SYT15: variants seen among roughly 807,000 people sequenced by gnomAD.
The protein encoded by SYT15 is synaptotagmin 15.
A neutral mutation model predicts 30.1 loss-of-function variants in SYT15; 4 were observed. The ratio of observed to expected loss-of-function variants is 0.13; its 90% confidence interval spans 0.07 to 0.30. SYT15 has a LOEUF of 0.30. Among genes scored for constraint, SYT15 ranks in the 10% least tolerant of loss-of-function variants. SYT15 has a pLI of 1.00. For synonymous variants in SYT15, 19 were observed against 166.3 expected (o/e 0.11, Z 6.82); for missense variants, 49 against 371.7 (o/e 0.13, Z 7.14).
chr10:46,580,812 G>A, intron 2 of SYT15, 82 bp from the exon 3 acceptor site: 1 of 1,163,802 alleles, frequency 8.6e-7, no homozygotes, highest in Non-Finnish European at 1.2e-6. Flanking sequence ...TCCAGCCCCT[G>A]GTGCTCAACC....
chr10:46,588,355 TCCC>T lies in SYT15; in HGVS notation c.*709_*711del. 1 of 413,020 alleles carries T rather than the reference TCCC, an allele frequency of 2.4e-6. No individual in the cohort carries two copies. Among genetic ancestry groups the T allele is most frequent in the Non-Finnish European group, 3.2e-6 (1 of 310,806 alleles). The allele number at this position is 413,020 out of a possible 1,614,324, so 25.6% of individuals were successfully genotyped here. A position where few individuals can be genotyped will look rare whatever the true frequency, so the allele number is the denominator to read the frequency against. On this transcript the variant is annotated 3_prime_UTR_variant, in exon 8 of 8. Coordinates refer to ENST00000374321, the MANE Select transcript of SYT15 (RefSeq NM_031912.5). The stretch of plus-strand genomic sequence containing the variant: ...CTGTTCTGCTGCTGTTTCTGTGCTC[TCCC>T]TGATTAAGAGCATTCAGTTCCTGGG...
At position 46,580,363 on chromosome 10, in the gene SYT15, G is replaced by T; in HGVS notation, c.207G>T (p.Leu69=). ...RPCQPHARTQ[L]SRPPAVPFVV... ...GCCAGCCGCATGCTAGGACCCAACT[G>T]AGCAGGTGAGGCAGGATGTGGGGCC... The change falls in exon 2 of 8, where the codon CTG becomes CTT. Residue 69 remains leucine, a synonymous_variant. Coordinates refer to ENST00000374321, the MANE Select transcript of SYT15 (RefSeq NM_031912.5). The T allele has an allele frequency of 1.9e-6, 1 of 515,314 alleles. No individual in the cohort carries two copies. Among genetic ancestry groups the T allele is most frequent in the Non-Finnish European group, 3.2e-6 (1 of 315,980 alleles). 31.9% of individuals were successfully genotyped at this position (515,314 alleles called of 1,614,324 possible).
chr10:46,584,306 G>A (rs1844594919), intron 5 of SYT15, among the ~76,000 whole-genome samples, 189 bp from the exon 6 acceptor site: 1 of 151,776 alleles, frequency 6.6e-6, no homozygotes, highest in African/African-American at 2.4e-5. Flanking sequence ...CCACAGGACT[G>A]CACAAGCCCC....
chr10:46,596,836 G>A, downstream of SYT15: 1 of 435,776 alleles, frequency 2.3e-6, no homozygotes, highest in Non-Finnish European at 4.5e-6. Flanking sequence ...GAATCAAGAG[G>A]AAGCTTAAAC....
At chr10:46,584,812 G>A (rs1844700283) in intron 6 of SYT15, among the ~76,000 whole-genome samples, 197 bp downstream of exon 6, 1 of 149,036 alleles carries the variant, frequency 6.7e-6, no homozygotes, top group Non-Finnish European at 1.5e-5. Flanking sequence ...TGAACCCAAA[G>A]CTGCATCTCC....
downstream of SYT15, chr10:46,596,292 A>G (rs1441918102): frequency 2.6e-5 from 4 of 151,984 alleles, no homozygotes; most frequent in Non-Finnish European, 5.9e-5. Context: ...CACTGTGGAA[A>G]TCTTTGCCCA....
rs59292693 is a variant in SYT15 at position 46,588,948 on chromosome 10, C to A, written c.*1301C>A. On this transcript the variant is annotated 3_prime_UTR_variant, in exon 8 of 8. Transcript: ENST00000374321. ...CTGGCCTCAGGTGATCCACCTGCCT[C>A]AGCCTCCCAAAGTGCTGGGATTACA... The A allele has an allele frequency of 1.4e-4, 7 of 48,784 alleles. No individual in the cohort carries two copies. In the East Asian group the frequency reaches 4.4e-3, roughly 31 times the overall value. 3.0% of individuals were successfully genotyped at this position (48,784 alleles called of 1,614,324 possible).
chr10:46,584,283 C>T (rs1282827250), intron 5 of SYT15, among the ~76,000 whole-genome samples: 3 of 151,838 alleles, frequency 2.0e-5, no homozygotes, highest in Non-Finnish European at 4.4e-5. Flanking sequence ...GGGTGTGACT[C>T]CTTAGCTCTG....
At chr10:46,597,010 C>T (rs1845710205), downstream of SYT15, among the ~76,000 whole-genome samples, 1 of 142,544 alleles carries the variant, frequency 7.0e-6, no homozygotes, top group South Asian at 2.2e-4. Context: ...CAGAACATGC[C>T]CTAGATTTTA....
downstream of SYT15, chr10:46,593,289 G>A (rs1296717056): frequency 6.9e-6 from 1 of 144,302 alleles, no homozygotes; most frequent in African/African-American, 2.7e-5. Context: ...ATTTGCAGCA[G>A]TTTAAGTATA....
downstream of SYT15, among the ~76,000 whole-genome samples, chr10:46,592,556 G>GT (rs782645635): frequency 1.0e-4 from 8 of 79,282 alleles, no homozygotes; most frequent in African/African-American, 3.2e-4. Flanking sequence ...ATTTTCTCAG[G>GT]TTTTTTTGTG....
At chr10:46,584,391 G>C in intron 5 of SYT15, 104 bp from the exon 6 acceptor site, 1 of 1,355,088 alleles carries the variant, frequency 7.4e-7, no homozygotes, top group South Asian at 1.5e-5. Context: ...CGGGTGTGTC[G>C]CATGGACCGC....
chr10:46,594,660 C>T (rs1319895509), downstream of SYT15, among the ~76,000 whole-genome samples: 5 of 138,044 alleles, frequency 3.6e-5, no homozygotes, highest in Non-Finnish European at 7.7e-5. Flanking sequence ...CCCAAATGCT[C>T]GGCCTCTTAG....
At chr10:46,586,263 A>AG (rs1555040713) in intron 7 of SYT15, among the ~76,000 whole-genome samples, 1 of 111,418 alleles carries the variant, frequency 9.0e-6, no homozygotes, top group East Asian at 2.4e-4. Context: ...AAAAAAAAAA[A>AG]GGGCCGGGCA....
At chr10:46,596,840 C>T, downstream of SYT15, 10 of 431,782 alleles carry the variant, frequency 2.3e-5, no homozygotes, top group South Asian at 1.6e-4. Flanking sequence ...CAAGAGGAAG[C>T]TTAAACTTAA....
At position 46,591,089 on chromosome 10, in the gene SYT15, G is replaced by A. The variant is rs561324868; in HGVS notation, c.*3442G>A. 1.7e-5 allele frequency: 2 copies of A among 116,390 alleles called. No individual in the cohort carries two copies. The highest frequency in any genetic ancestry group is 2.9e-4 in the South Asian group (1 of 3,446). 7.2% of individuals were successfully genotyped at this position (116,390 alleles called of 1,614,324 possible). On this transcript the variant is annotated 3_prime_UTR_variant, in exon 8 of 8. Coordinates refer to ENST00000374321, the MANE Select transcript of SYT15 (RefSeq NM_031912.5). ...ATAAAATAAAATTTAGATTTAAGTC[G>A]AGCTCAGTGGCTCACATCTATTATC...
chr10:46,590,967 G>T lies in SYT15; in HGVS notation c.*3320G>T, dbSNP rs1248710001. On this transcript the variant is annotated 3_prime_UTR_variant, in exon 8 of 8. Coordinates refer to ENST00000374321, the MANE Select transcript of SYT15 (RefSeq NM_031912.5). The stretch of plus-strand genomic sequence containing the variant: ...AAACCAGCAGGGTGTGTACACTTTT[G>T]TGTGTGTGCGCAGGTTTATACACAT... 7.0e-6 allele frequency: 1 copy of T among 143,422 alleles called. No individual in the cohort carries two copies. Among genetic ancestry groups the T allele is most frequent in the African/African-American group, 2.7e-5 (1 of 36,778 alleles). 8.9% of individuals were successfully genotyped at this position (143,422 alleles called of 1,614,324 possible). A position where few individuals can be genotyped will look rare whatever the true frequency, so the allele number is the denominator to read the frequency against.
downstream of SYT15, chr10:46,596,779 G>A (rs782302693): frequency 3.7e-5 from 16 of 429,510 alleles, 4 homozygotes; most frequent in South Asian, 1.3e-4. Context: ...ACTGCTACCC[G>A]CCCAATGCCT....
At chr10:46,584,447 C>G in intron 5 of SYT15, 48 bp from the exon 6 acceptor site, 2 of 1,611,162 alleles carry the variant, frequency 1.2e-6, no homozygotes, top group South Asian at 1.1e-5. Flanking sequence ...ACCCCTTCAG[C>G]ACTTGCCAGA....
Sources: gnomAD v4.1 joint callset for allele counts (sites outside exome capture counted in the v4.1 genomes callset) on GRCh38, gnomAD v4.1.1 for gene constraint, MANE v1.5 for transcripts, NCBI Gene and HGNC (gene_info 2026-07-23, HGNC 2026-07-21) for gene names.